ZBBX: variants seen among roughly 807,000 people sequenced by gnomAD.
ZBBX encodes zinc finger B-box domain-containing protein 1.
In ZBBX, 101 loss-of-function variants were observed where a neutral mutation model predicts 108.5. The ratio of observed to expected loss-of-function variants is 0.93; its 90% CI spans 0.79 to 1.10. The LOEUF is 1.10. Among genes scored for constraint, ZBBX ranks in the 50% least tolerant of loss-of-function variants. The pLI is 0.00. For synonymous variants in ZBBX, 356 were observed against 323.4 expected (o/e 1.10, Z -1.08); for missense variants, 1,009 against 941.4 (o/e 1.07, Z -0.94).
At chr3:167,304,839 T>C (rs765490638) in intron 17 of ZBBX, among the ~76,000 whole-genome samples, 5 of 151,920 alleles carry the variant, frequency 3.3e-5, no homozygotes, top group Non-Finnish European at 5.9e-5. Flanking sequence ...GAGGACTCAG[T>C]TCCAATTTCT....
At chr3:167,384,026 T>C (rs1747827348), upstream of ZBBX, among the ~76,000 whole-genome samples, 1 of 152,100 alleles carries the variant, frequency 6.6e-6, no homozygotes, top group East Asian at 1.9e-4. Flanking sequence ...AAAAGCACTT[T>C]GAATGTTACC....
intron 1 of ZBBX, among the ~76,000 whole-genome samples, chr3:167,391,130 A>C (rs1343582755): frequency 6.6e-6 from 1 of 152,068 alleles, no homozygotes; most frequent in Non-Finnish European, 1.5e-5. Flanking sequence ...TTTGTCAACA[A>C]TAGCTTTTAT....
intron 18 of ZBBX, among the ~76,000 whole-genome samples, chr3:167,293,742 G>A (rs1450809897): frequency 1.3e-5 from 2 of 152,188 alleles, no homozygotes; most frequent in African/African-American, 4.8e-5. Flanking sequence ...ATTAGGAAAA[G>A]AGGAAGTCAA....
intron 12 of ZBBX, among the ~76,000 whole-genome samples, chr3:167,318,944 A>C (rs1298620781): frequency 6.6e-6 from 1 of 151,996 alleles, no homozygotes; most frequent in African/African-American, 2.4e-5. Context: ...AGAAAAAAAA[A>C]CTGAATACCA....
chr3:167,340,310 C>A (rs2108440682), intron 9 of ZBBX, among the ~76,000 whole-genome samples: 1 of 152,150 alleles, frequency 6.6e-6, no homozygotes, highest in South Asian at 2.1e-4. Flanking sequence ...GTACTAGTTA[C>A]ACCAAGCAAA....
intron 16 of ZBBX, among the ~76,000 whole-genome samples, chr3:167,308,649 A>T (rs1199705562): frequency 6.6e-6 from 1 of 152,194 alleles, no homozygotes; most frequent in Non-Finnish European, 1.5e-5. Context: ...TGTACTTTGC[A>T]TGGACATGGA....
At chr3:167,350,561 A>G in intron 8 of ZBBX, 46 bp from the exon 9 acceptor site, 1 of 1,358,490 alleles carries the variant, frequency 7.4e-7, no homozygotes, top group African/African-American at 1.5e-5. Context: ...ATAAAATAGT[A>G]TGATTTTTAG....
intron 10 of ZBBX, among the ~76,000 whole-genome samples, chr3:167,330,973 C>CTCTCTCTCT (rs1377045353): frequency 5.4e-5 from 8 of 148,966 alleles, no homozygotes; most frequent in Non-Finnish European, 7.5e-5. Context: ...CTCCCCCACT[C>CTCTCTCTCT]CCCTTCTGTA....
In ZBBX at chr3:167,393,222, A is replaced by T. The variant is rs181093195; in HGVS notation, c.-445-12817T>A. On this transcript the variant is annotated intron_variant, in intron 1 of 21. Transcript: ENST00000455345. Reference sequence around the variant, plus strand: ...CTTACCAGTGAAATTTGAGTGACATAGTCCCCCTGCCAGTCTGGATGCTCA... The same window carrying T: ...CTTACCAGTGAAATTTGAGTGACATTGTCCCCCTGCCAGTCTGGATGCTCA... 1.0e-3 allele frequency among the ~76,000 whole-genome samples: 154 copies of T among 151,928 alleles called. 1 individual carries two copies. Among genetic ancestry groups the T allele is most frequent in the African/African-American group, 3.7e-3 (152 of 41,510 alleles).
At chr3:167,198,726 A>T in the ZBBX span, among the ~76,000 whole-genome samples, 1 of 152,200 alleles carries the variant, frequency 6.6e-6, no homozygotes, top group Non-Finnish European at 1.5e-5. Flanking sequence ...TGAGTTAGGC[A>T]TTTTGAACAA....
chr3:167,368,637 T>A, intron 4 of ZBBX, 63 bp from the exon 5 acceptor site: 2 of 1,408,472 alleles, frequency 1.4e-6, no homozygotes, highest in Non-Finnish European at 1.9e-6. Context: ...TAATTTTATA[T>A]AATCTTTTCC....
At chr3:167,208,680 T>C in the ZBBX span, among the ~76,000 whole-genome samples, 1 of 152,208 alleles carries the variant, frequency 6.6e-6, no homozygotes, top group African/African-American at 2.4e-5. Context: ...TTACTTCCCA[T>C]AGGCTTAGAT....
intron 17 of ZBBX, among the ~76,000 whole-genome samples, chr3:167,300,162 T>A (rs1732387852): frequency 6.6e-6 from 1 of 152,184 alleles, no homozygotes; most frequent in Admixed American, 6.5e-5. Flanking sequence ...GATTAAAACA[T>A]TATTTTATTT....
At chr3:167,263,814 T>C (rs1725008419) in intron 20 of ZBBX, among the ~76,000 whole-genome samples, 1 of 152,174 alleles carries the variant, frequency 6.6e-6, no homozygotes, top group Admixed American at 6.5e-5. Flanking sequence ...GAAAGTGGAG[T>C]GTTGAAGTCT....
chr3:167,276,494 G>C (rs1224127755), intron 20 of ZBBX, among the ~76,000 whole-genome samples: 3 of 152,176 alleles, frequency 2.0e-5, no homozygotes, highest in Non-Finnish European at 4.4e-5. Context: ...AAGGGTATCA[G>C]TGATGGAAGA....
intron 19 of ZBBX, among the ~76,000 whole-genome samples, chr3:167,285,732 G>T (rs1729582213): frequency 6.6e-6 from 1 of 152,166 alleles, no homozygotes; most frequent in South Asian, 2.1e-4. Flanking sequence ...CTCTAAAACT[G>T]CCAGGCACTG....
chr3:167,192,572 C>A, the ZBBX span, among the ~76,000 whole-genome samples: 2 of 152,146 alleles, frequency 1.3e-5, no homozygotes, highest in Non-Finnish European at 2.9e-5. Context: ...GTATCCCTTT[C>A]TCTTGCTCAG....
In ZBBX at chr3:167,359,988, T is replaced by C; in HGVS notation, c.323-9A>G. ...TGTTGGTTTCACTGGCTCTGCAAGA[T>C]AAAAAATAATATTACTCCAATCATT... On this transcript the variant is annotated splice_polypyrimidine_tract_variant and intron_variant, in intron 7 of 21. Transcript: ENST00000675490. The C allele has an allele frequency of 6.9e-7, 1 of 1,454,148 alleles. No individual in the cohort carries two copies. Among genetic ancestry groups the C allele is most frequent in the South Asian group, 1.3e-5 (1 of 79,608 alleles). The allele number at this position is 1,454,148 out of a possible 1,614,324, so 90.1% of individuals were successfully genotyped here. A position where few individuals can be genotyped will look rare whatever the true frequency, so the allele number is the denominator to read the frequency against.
downstream of ZBBX, among the ~76,000 whole-genome samples, chr3:167,235,984 G>C (rs1288646821): frequency 6.6e-6 from 1 of 151,596 alleles, no homozygotes; most frequent in African/African-American, 2.4e-5. Context: ...ATAAATAACC[G>C]GGGGTGAAAA....
Sources: allele counts gnomAD v4.1 joint callset (sites outside exome capture counted in the v4.1 genomes callset), GRCh38; gene constraint gnomAD v4.1.1; transcripts MANE v1.5; gene names NCBI Gene and HGNC (gene_info 2026-07-23, HGNC 2026-07-21).